NCF2: variants seen among roughly 807,000 people sequenced by gnomAD.
NCF2 encodes the protein neutrophil cytosolic factor 2.
Under a neutral mutation model 70.9 loss-of-function variants are expected in NCF2, and 45 were observed. That is an observed-to-expected ratio of 0.63 (90% CI 0.50 to 0.81). NCF2 has a LOEUF of 0.81. Among genes scored for constraint, NCF2 ranks in the 40% least tolerant of loss-of-function variants. The pLI is 0.00. For synonymous variants in NCF2, 203 were observed against 233.6 expected (o/e 0.87, Z 1.19); for missense variants, 522 against 631.6 (o/e 0.83, Z 1.86).
At chr1:183,564,086 G>T in intron 10 of NCF2, 56 bp from the exon 11 acceptor site, 1 of 1,517,558 alleles carries the variant, frequency 6.6e-7, no homozygotes, top group Non-Finnish European at 9.2e-7. Flanking sequence ...AACATCCTTG[G>T]CCAGCCCCTG....
chr1:183,570,684 C>G, intron 6 of NCF2, 96 bp downstream of exon 6: 1 of 1,320,206 alleles, frequency 7.6e-7, no homozygotes, highest in Middle Eastern at 1.8e-4. Flanking sequence ...GGAGCCCTTA[C>G]AATCAGGCAA....
rs754369694 is a variant in NCF2 at position 183,570,847 on chromosome 1, C to G, written c.610-8G>C. Reference sequence around the variant, plus strand: ...CACCACAGATGCCACGACCTAAAATCAAGGACAGGAGGGTGTGAGGCTCTG... The same window carrying G: ...CACCACAGATGCCACGACCTAAAATGAAGGACAGGAGGGTGTGAGGCTCTG... On this transcript the variant is annotated splice_polypyrimidine_tract_variant and splice_region_variant and intron_variant, in intron 5 of 14. Transcript: ENST00000367535. The G allele has an allele frequency of 1.9e-5, 30 of 1,614,056 alleles. No individual in the cohort carries two copies. The highest frequency in any genetic ancestry group is 2.5e-5 in the Non-Finnish European group (29 of 1,179,972).
chr1:183,573,565 C>T (rs1418167501), intron 4 of NCF2, among the ~76,000 whole-genome samples: 1 of 152,194 alleles, frequency 6.6e-6, no homozygotes, highest in Admixed American at 6.5e-5. Context: ...ACTCTGTGTG[C>T]TGTCCGTGGG....
intron 14 of NCF2, among the ~76,000 whole-genome samples, chr1:183,559,809 A>T (rs1398824866): frequency 1.3e-5 from 2 of 152,166 alleles, no homozygotes; most frequent in Non-Finnish European, 2.9e-5. Context: ...CAGTGAGCCG[A>T]GATTGTGCCA....
the NCF2 span, among the ~76,000 whole-genome samples, chr1:183,599,449 T>TCTTTCTTTCTTTCTTTC: frequency 1.3e-4 from 17 of 127,930 alleles, no homozygotes; most frequent in Admixed American, 4.2e-4. Context: ...TTTCTTTCTT[T>TCTTTCTTTCTTTCTTTC]CTTTCTTTCT....
At chr1:183,591,481 C>CT (rs1336269208), upstream of NCF2, among the ~76,000 whole-genome samples, 13,268 of 137,896 alleles carry the variant, frequency 0.096, 745 homozygotes, top group Admixed American at 0.15. Context: ...CCTGAAATAA[C>CT]TTTTTTTTTT....
rs1426670009 is a variant in NCF2, at chr1:183,587,017, C to T, written c.175-40G>A. The T allele has an allele frequency of 2.5e-6, 4 of 1,574,074 alleles. No homozygotes were observed. In the Admixed American group the frequency reaches 5.0e-5, roughly 20 times the overall value. Reference sequence around the variant, plus strand: ...GTCCAGACATGGCCATGATGCAAGGCAGTGAGGAGGTGTGAGATGAGCCAC... The same window carrying T: ...GTCCAGACATGGCCATGATGCAAGGTAGTGAGGAGGTGTGAGATGAGCCAC... On this transcript the variant is annotated intron_variant, in intron 1 of 14. Transcript: ENST00000367535.
chr1:183,586,793 C>G, intron 2 of NCF2, 102 bp downstream of exon 2: 1 of 1,052,516 alleles, frequency 9.5e-7, no homozygotes, highest in East Asian at 2.4e-5. Context: ...CATTTCCCAA[C>G]AGAGGTTGGG....
chr1:183,599,156 A>T, the NCF2 span, among the ~76,000 whole-genome samples: 11 of 152,170 alleles, frequency 7.2e-5, no homozygotes, highest in Non-Finnish European at 4.4e-5. Flanking sequence ...CTGAAGTGGG[A>T]GGATTTACTT....
At chr1:183,567,059 C>T in intron 8 of NCF2, 71 bp from the exon 9 acceptor site, 1 of 1,607,938 alleles carries the variant, frequency 6.2e-7, no homozygotes, top group African/African-American at 1.3e-5. Context: ...CACCACAGAA[C>T]AGCCCAGAGT....
intron 1 of NCF2, among the ~76,000 whole-genome samples, chr1:183,587,984 GA>G (rs1204056916): frequency 6.6e-6 from 1 of 152,144 alleles, no homozygotes; most frequent in Non-Finnish European, 1.5e-5. Flanking sequence ...TGATTAGATA[GA>G]AGCTTTGAGC....
At chr1:183,586,342 G>GA (rs540686057) in intron 2 of NCF2, among the ~76,000 whole-genome samples, 82 of 152,026 alleles carry the variant, frequency 5.4e-4, no homozygotes, top group African/African-American at 1.9e-3. Context: ...CTCGGAAAAA[G>GA]AAAAAAAATT....
chr1:183,579,915 A>G (rs1032671575), intron 2 of NCF2, among the ~76,000 whole-genome samples: 2 of 152,136 alleles, frequency 1.3e-5, no homozygotes, highest in East Asian at 3.8e-4. Flanking sequence ...CACTCTACCA[A>G]TTAATCCATA....
chr1:183,584,021 G>C (rs1307704248), intron 2 of NCF2, among the ~76,000 whole-genome samples: 2 of 152,238 alleles, frequency 1.3e-5, no homozygotes, highest in Non-Finnish European at 2.9e-5. Flanking sequence ...GGGATGGAGA[G>C]AAATAGGTGG....
At chr1:183,582,747 G>C (rs1356154663) in intron 2 of NCF2, among the ~76,000 whole-genome samples, 1 of 152,124 alleles carries the variant, frequency 6.6e-6, no homozygotes, top group Non-Finnish European at 1.5e-5. Flanking sequence ...CCATGGAATG[G>C]GTCTCACCCT....
chr1:183,583,759 C>A (rs970320697), intron 2 of NCF2, among the ~76,000 whole-genome samples: 1 of 152,148 alleles, frequency 6.6e-6, no homozygotes, highest in African/African-American at 2.4e-5. Context: ...GGCAAAGGCA[C>A]GGAGGATGCA....
chr1:183,569,591 A>T (rs557655005), intron 6 of NCF2, among the ~76,000 whole-genome samples: 42 of 152,152 alleles, frequency 2.8e-4, no homozygotes, highest in Non-Finnish European at 4.3e-4. Context: ...AAATTAATTT[A>T]AAAAAAATTT....
chr1:183,565,980 T>C (rs899715454), intron 9 of NCF2, among the ~76,000 whole-genome samples: 1 of 151,988 alleles, frequency 6.6e-6, no homozygotes, highest in Non-Finnish European at 1.5e-5. Context: ...CTGATGAAAA[T>C]GAAAATCACA....
chr1:183,584,685 G>A (rs769245897), intron 2 of NCF2, among the ~76,000 whole-genome samples: 1 of 152,062 alleles, frequency 6.6e-6, no homozygotes, highest in Non-Finnish European at 1.5e-5. Context: ...ATTTAAGATC[G>A]GCTGAAGGAT....
Sources: allele counts gnomAD v4.1 joint callset (sites outside exome capture counted in the v4.1 genomes callset), GRCh38; gene constraint gnomAD v4.1.1; transcripts MANE v1.5; gene names NCBI Gene and HGNC (gene_info 2026-07-23, HGNC 2026-07-21).